The following CNTN5 variants were observed in gnomAD, a reference collection of about 807,000 sequenced individuals.
CNTN5 encodes contactin 5.
CNTN5 carries 77 observed loss-of-function variants against 129.1 expected under a neutral mutation model. The observed-to-expected ratio is 0.60, with a 90% confidence interval of 0.50 to 0.72. The LOEUF (loss-of-function observed/expected upper bound fraction) is 0.72. CNTN5 is among the 30% of genes least tolerant of loss of function. CNTN5 has a pLI of 0.00. For missense variants in CNTN5, 1,478 were observed against 1,328.8 expected (o/e 1.11, Z -1.75); for synonymous variants, 509 against 465.6 (o/e 1.09, Z -1.20).
chr11:99,312,749 A>T (rs535704969), intron 1 of CNTN5, among the ~76,000 whole-genome samples: 373 of 152,192 alleles, frequency 2.5e-3, no homozygotes, highest in Non-Finnish European at 3.9e-3. Flanking sequence ...ACCCATTGTT[A>T]TTATATTCCA....
At chr11:99,719,170 T>G (rs1341713089) in intron 3 of CNTN5, among the ~76,000 whole-genome samples, 1 of 151,810 alleles carries the variant, frequency 6.6e-6, no homozygotes, top group Non-Finnish European at 1.5e-5. Flanking sequence ...AATACAAAAA[T>G]TAGCTGGGTG....
intron 13 of CNTN5, among the ~76,000 whole-genome samples, chr11:100,164,494 C>A (rs1445517019): frequency 6.6e-6 from 1 of 151,458 alleles, no homozygotes; most frequent in Non-Finnish European, 1.5e-5. Flanking sequence ...TTTAGTTATA[C>A]CTAGGTGAAT....
chr11:100,358,181 C>T lies in CNTN5; in HGVS notation c.*1961C>T, dbSNP rs551355434. On this transcript the variant is annotated 3_prime_UTR_variant, in exon 25 of 25. Coordinates refer to ENST00000524871, the MANE Select transcript of CNTN5 (RefSeq NM_014361.4). ...AATTTTACGTATTTCATGAATCAAGCCATTTTCTTCATTTTCCATGGTGGT... is the reference window on the plus strand; with the variant it reads ...AATTTTACGTATTTCATGAATCAAGTCATTTTCTTCATTTTCCATGGTGGT... 1 of 151,818 alleles carries T rather than the reference C, an allele frequency of 6.6e-6. No individual in the cohort carries two copies. Among genetic ancestry groups the T allele is most frequent in the South Asian group, 2.1e-4 (1 of 4,824 alleles). The allele number at this position is 151,818 out of a possible 1,614,324, so 9.4% of individuals were successfully genotyped here.
At chr11:99,631,278 TCTTAC>T (rs747361496) in intron 3 of CNTN5, among the ~76,000 whole-genome samples, 1 of 152,150 alleles carries the variant, frequency 6.6e-6, no homozygotes, top group African/African-American at 2.4e-5. Context: ...CAAATATTCC[TCTTAC>T]CTTAAATAAC....
chr11:99,676,108 T>C (rs1178095670), intron 3 of CNTN5, among the ~76,000 whole-genome samples: 4 of 152,170 alleles, frequency 2.6e-5, no homozygotes, highest in East Asian at 3.8e-4. Flanking sequence ...CAACATGTAA[T>C]AAATAGTTAA....
intron 1 of CNTN5, among the ~76,000 whole-genome samples, chr11:99,296,724 T>G (rs907365753): frequency 1.3e-5 from 2 of 152,160 alleles, no homozygotes; most frequent in African/African-American, 4.8e-5. Flanking sequence ...TCCAGGCTAT[T>G]AGAGCTTGAA....
At position 100,356,311 on chromosome 11, in the gene CNTN5, T is replaced by G; in HGVS notation, c.*91T>G. Reference sequence around the variant, plus strand: ...TAAGTGGAGAACCAGGATCCTGAGATGAGCTTGAGCTTTAAAAACTTGGGA... The same window carrying G: ...TAAGTGGAGAACCAGGATCCTGAGAGGAGCTTGAGCTTTAAAAACTTGGGA... On this transcript the variant is annotated 3_prime_UTR_variant, in exon 25 of 25. Transcript: ENST00000524871. The G allele has an allele frequency of 1.2e-6, 1 of 864,552 alleles. No homozygotes were observed. Among genetic ancestry groups the G allele is most frequent in the South Asian group, 1.4e-5 (1 of 70,038 alleles). 53.6% of individuals were successfully genotyped at this position (864,552 alleles called of 1,614,324 possible). A position where few individuals can be genotyped will look rare whatever the true frequency, so the allele number is the denominator to read the frequency against.
At chr11:100,160,720 G>A (rs2138358183) in intron 13 of CNTN5, among the ~76,000 whole-genome samples, 1 of 151,904 alleles carries the variant, frequency 6.6e-6, no homozygotes, top group East Asian at 1.9e-4. Context: ...AACACTTATG[G>A]GATAATAATG....
chr11:100,281,565 T>C (rs1479321012), intron 18 of CNTN5, among the ~76,000 whole-genome samples: 4 of 152,144 alleles, frequency 2.6e-5, no homozygotes. Flanking sequence ...TCTTGAGGCA[T>C]TGTTCTTTGG....
Position 99,228,777 on chromosome 11 carries a change from T to C in CNTN5, c.-209-96569T>C, listed in dbSNP as rs1008395498. Among the ~76,000 whole-genome samples, 12 of 152,202 alleles carry C rather than the reference T, an allele frequency of 7.9e-5. No individual in the cohort carries two copies. In the East Asian group the frequency reaches 2.3e-3, roughly 29 times the overall value. ...TAATACTGGTATTTTGATTATCTTA[T>C]GAGAGCTAATCATATATCACTACTT... On this transcript the variant is annotated intron_variant, in intron 1 of 24. Transcript: ENST00000524871.
At chr11:99,826,398 T>C (rs1946959231) in intron 4 of CNTN5, among the ~76,000 whole-genome samples, 1 of 152,162 alleles carries the variant, frequency 6.6e-6, no homozygotes, top group Non-Finnish European at 1.5e-5. Flanking sequence ...TCCACACCTT[T>C]CAATGTACTG....
At chr11:99,919,019 G>A (rs900349018) in intron 7 of CNTN5, among the ~76,000 whole-genome samples, 8 of 152,120 alleles carry the variant, frequency 5.3e-5, no homozygotes, top group African/African-American at 1.2e-4. Flanking sequence ...CCAGCCAGTG[G>A]AGGCAGGACA....
intron 8 of CNTN5, among the ~76,000 whole-genome samples, chr11:99,991,467 A>AAAAC (rs35179064): frequency 0.041 from 6,221 of 151,556 alleles, 240 homozygotes; most frequent in East Asian, 0.19. Context: ...ACTCTGTCTC[A>AAAAC]AAACAAACAA....
At chr11:99,701,380 A>G (rs777113304) in intron 3 of CNTN5, among the ~76,000 whole-genome samples, 48 of 151,312 alleles carry the variant, frequency 3.2e-4, no homozygotes, top group African/African-American at 1.1e-3. Flanking sequence ...ATAACCATCT[A>G]TTTTTTCAAT....
At chr11:99,872,559 A>G (rs1948529909) in intron 6 of CNTN5, among the ~76,000 whole-genome samples, 1 of 152,136 alleles carries the variant, frequency 6.6e-6, no homozygotes, top group African/African-American at 2.4e-5. Context: ...AGAAAAGAAA[A>G]GTCCTGCCAC....
At chr11:99,988,679 T>C (rs1323118989) in intron 8 of CNTN5, among the ~76,000 whole-genome samples, 1 of 152,092 alleles carries the variant, frequency 6.6e-6, no homozygotes, top group Non-Finnish European at 1.5e-5. Context: ...AGGGACCGAG[T>C]CCAAATCGTT....
intron 21 of CNTN5, among the ~76,000 whole-genome samples, chr11:100,322,786 A>C (rs974770539): frequency 6.6e-6 from 1 of 151,982 alleles, no homozygotes; most frequent in African/African-American, 2.4e-5. Context: ...CTGTTTTACT[A>C]TTTGGTGCCA....
At chr11:99,453,871 T>C (rs1224026236) in intron 2 of CNTN5, among the ~76,000 whole-genome samples, 1 of 152,202 alleles carries the variant, frequency 6.6e-6, no homozygotes, top group African/African-American at 2.4e-5. Context: ...CCTTTGGGAA[T>C]GGGATGCATC....
In CNTN5 at chr11:100,285,190, A is replaced by C. The variant is rs148891149; in HGVS notation, c.2315-12435A>C. On this transcript the variant is annotated intron_variant, in intron 18 of 24. Transcript: ENST00000524871. The stretch of plus-strand genomic sequence containing the variant: ...TTACTTTATTAAATGGAAATTTACA[A>C]ACTAGTAATCATGAAAAAGTATATT... Among the ~76,000 whole-genome samples, 921 of 152,342 alleles carry C rather than the reference A, an allele frequency of 6.0e-3. 4 individuals are homozygous for C. The highest frequency in any genetic ancestry group is 0.01 in the Middle Eastern group (3 of 294).
Sources: allele counts gnomAD v4.1 joint callset (sites outside exome capture counted in the v4.1 genomes callset), GRCh38; gene constraint gnomAD v4.1.1; transcripts MANE v1.5; gene names NCBI Gene and HGNC (gene_info 2026-07-23, HGNC 2026-07-21).